Variants in LRRC66 observed in about 807,000 individuals in gnomAD.
LRRC66 encodes the protein leucine-rich repeat-containing protein 66.
LRRC66 carries 29 observed loss-of-function variants against 24.6 expected under a neutral mutation model. The ratio of observed to expected loss-of-function variants is 1.18; its 90% CI spans 0.88 to 1.61. The LOEUF (loss-of-function observed/expected upper bound fraction) is 1.61, where lower values mean the gene tolerates loss of function less well. Among genes scored for constraint, LRRC66 ranks in the 40% most tolerant of loss-of-function variants. The pLI, the probability that LRRC66 is intolerant of heterozygous loss-of-function variation, is 0.00. For missense variants in LRRC66, 1,124 were observed against 1,058.0 expected (o/e 1.06, Z -0.87); for synonymous variants, 411 against 397.6 (o/e 1.03, Z -0.40).
In LRRC66 at chr4:51,997,758, G is replaced by C. The variant is rs554407877; in HGVS notation, c.846C>G (p.Asn282Lys). 37 of 1,613,742 alleles carry C rather than the reference G, an allele frequency of 2.3e-5. No individual in the cohort carries two copies. Among genetic ancestry groups the C allele is most frequent in the Non-Finnish European group, 3.0e-5 (35 of 1,179,842 alleles). ...ACATTACTGACTTACCTATAGACCT[G>C]TTGCAAATGACATTCCACTTTTTCC... ...SWRKKWNVIC[N>K]RSIGSEEANG... The change falls in exon 4 of 5, where the codon AAC (asparagine) becomes AAG (lysine). Residue 282 changes from asparagine to lysine, a missense_variant. By Grantham distance (94) the Asn-to-Lys change is moderately conservative (BLOSUM62 0). Transcript: ENST00000682860.
Position 51,996,879 on chromosome 4 carries a change from C to T in LRRC66, c.857-714G>A, listed in dbSNP as rs193017496. Among the ~76,000 whole-genome samples the T allele has an allele frequency of 1.5e-3, 223 of 152,292 alleles. 1 individual carries two copies. Among genetic ancestry groups the T allele is most frequent in the Admixed American group, 4.5e-3 (69 of 15,290 alleles). ...TCCATAATCTTACCGACTCTGTGTG[C>T]TGTTAAACAGCAAAAATATTCAGTT... On this transcript the variant is annotated intron_variant, in intron 4 of 4. Transcript: ENST00000682860.
rs1407545097 is a variant in LRRC66, at chr4:51,995,617, C to T, written c.1405G>A (p.Val469Ile). 1.2e-6 allele frequency: 2 copies of T among 1,613,926 alleles called. No individual in the cohort carries two copies. The highest frequency in any genetic ancestry group is 1.7e-6 in the Non-Finnish European group (2 of 1,180,020). ...WVTQPHPHAT[V>I]IPDRTLGRSR... is the part of the protein sequence containing the mutation. ...CTTCCCAGAGTTCTATCAGGAATTA[C>T]GGTGGCGTGTGGGTGTGGCTGTGTC... Residue 469 changes from valine to isoleucine, a missense_variant, in exon 5 of 5, where the codon GTA (valine) becomes ATA (isoleucine). Coordinates refer to ENST00000682860, the MANE Select transcript of LRRC66 (RefSeq NM_001024611.3).
At chr4:52,016,360 G>T (rs1008493653) in intron 2 of LRRC66, among the ~76,000 whole-genome samples, 1 of 152,118 alleles carries the variant, frequency 6.6e-6, no homozygotes, top group African/African-American at 2.4e-5. Flanking sequence ...ATATAAAGGA[G>T]GTGCTTAGCA....
chr4:51,994,503 G>GAGCA lies in LRRC66; in HGVS notation c.2515_2518dup (p.Ser840LeufsTer4). On this transcript the variant is annotated frameshift_variant, in exon 5 of 5. Transcript: ENST00000682860. LOFTEE classifies it low-confidence loss of function (END_TRUNC). The stretch of plus-strand genomic sequence containing the variant: ...ATTTGAAAATTCTAAGTCTCTAAGT[G>GAGCA]AGCAATGCCATTCTGCTGCCTTGGA... The GAGCA allele has an allele frequency of 6.2e-7, 1 of 1,614,166 alleles. No individual in the cohort carries two copies. Among genetic ancestry groups the GAGCA allele is most frequent in the South Asian group, 1.1e-5 (1 of 91,082 alleles).
At chr4:52,007,918 G>C (rs1003952491) in intron 2 of LRRC66, among the ~76,000 whole-genome samples, 1 of 152,138 alleles carries the variant, frequency 6.6e-6, no homozygotes, top group Non-Finnish European at 1.5e-5. Flanking sequence ...TAATAGGGAC[G>C]AGCCCTTGAG....
chr4:52,004,461 C>A (rs1272808009), intron 2 of LRRC66, among the ~76,000 whole-genome samples: 1 of 152,142 alleles, frequency 6.6e-6, no homozygotes, highest in Non-Finnish European at 1.5e-5. Flanking sequence ...TTGGTCTCTG[C>A]CTTTGTATTT....
intron 1 of LRRC66, 182 bp from the exon 2 acceptor site, chr4:52,017,800 T>C (rs1736855486): frequency 2.0e-6 from 2 of 985,368 alleles, no homozygotes; most frequent in Non-Finnish European, 2.4e-6. Context: ...GAAATAGCCA[T>C]AGTATAAAAT....
rs143922811 is a variant in LRRC66, at chr4:51,995,971, G to A, written c.1051C>T (p.Arg351Trp). The A allele has an allele frequency of 1.2e-6, 2 of 1,613,936 alleles. No homozygotes were observed. The highest frequency in any genetic ancestry group is 2.7e-5 in the African/African-American group (2 of 75,012). The change falls in exon 5 of 5, where the codon CGG becomes TGG. Residue 351 changes from arginine (R) to tryptophan (W), a missense_variant. By Grantham distance (101) the Arg-to-Trp change is moderately radical (BLOSUM62 -3). Transcript: ENST00000682860. Reference sequence around the variant, plus strand: ...GTGCTTCTAACACTCCTTGGCAGCCGTCTCTGCTTCTTCCTGAGACCAGAG... The same window carrying A: ...GTGCTTCTAACACTCCTTGGCAGCCATCTCTGCTTCTTCCTGAGACCAGAG... The part of the protein sequence containing the change: ...AGSGLRKKQR[R>W]LPRSVRSTRD...
At chr4:52,005,876 T>C (rs1451711892) in intron 2 of LRRC66, among the ~76,000 whole-genome samples, 3 of 152,208 alleles carry the variant, frequency 2.0e-5, no homozygotes, top group Non-Finnish European at 4.4e-5. Flanking sequence ...AGGCCAGTTG[T>C]TAAATATTTT....
At chr4:52,004,051 G>A (rs969451485) in intron 2 of LRRC66, among the ~76,000 whole-genome samples, 1 of 152,068 alleles carries the variant, frequency 6.6e-6, no homozygotes, top group African/African-American at 2.4e-5. Context: ...CACCCAGGCT[G>A]GAGTGCAGTG....
Position 51,995,215 on chromosome 4 carries a change from T to A in LRRC66, c.1807A>T (p.Ser603Cys). ...TGTTCAGTGCCCCCTCTTTCCTTAC[T>A]ATCTCCAGTCCTCTGTGCTTCTGCA... ...THAEAQRTGD[S>C]KERGGTEQSL... Residue 603 changes from serine (S) to cysteine (C), a missense_variant, in exon 5 of 5, where the codon AGT (serine) becomes TGT (cysteine). Physicochemically the swap from Ser to Cys is moderately radical, Grantham distance 112. Transcript: ENST00000682860. The A allele has an allele frequency of 6.2e-7, 1 of 1,614,200 alleles. No homozygotes were observed.
At chr4:52,008,000 A>C (rs1736624295) in intron 2 of LRRC66, among the ~76,000 whole-genome samples, 1 of 152,074 alleles carries the variant, frequency 6.6e-6, no homozygotes, top group Admixed American at 6.5e-5. Context: ...AATTTATAGA[A>C]TCAAAGTTGT....
intron 3 of LRRC66, among the ~76,000 whole-genome samples, chr4:51,998,836 T>C (rs1391917162): frequency 6.6e-6 from 1 of 152,192 alleles, no homozygotes; most frequent in African/African-American, 2.4e-5. Context: ...TTCACATACA[T>C]GATCTCTGAT....
At chr4:52,015,913 G>C (rs1736799400) in intron 2 of LRRC66, among the ~76,000 whole-genome samples, 1 of 151,788 alleles carries the variant, frequency 6.6e-6, no homozygotes. Flanking sequence ...GAAAGAAAAA[G>C]GTACAAATAG....
chr4:52,014,935 A>G (rs759449486), intron 2 of LRRC66, among the ~76,000 whole-genome samples: 1 of 152,004 alleles, frequency 6.6e-6, no homozygotes. Flanking sequence ...CAAGTTGAAC[A>G]TTTTTCTTGA....
intron 2 of LRRC66, among the ~76,000 whole-genome samples, chr4:52,016,490 T>C (rs1447682135): frequency 1.3e-5 from 2 of 152,182 alleles, no homozygotes; most frequent in African/African-American, 4.8e-5. Flanking sequence ...AAAGAAAACA[T>C]TGGTGTATCC....
At chr4:52,008,167 C>A (rs1194191879) in intron 2 of LRRC66, among the ~76,000 whole-genome samples, 3 of 152,110 alleles carry the variant, frequency 2.0e-5, no homozygotes, top group Admixed American at 2.0e-4. Context: ...GGCTTCCCAA[C>A]TCTGGTCTGC....
chr4:51,997,278 C>A (rs1290683702), intron 4 of LRRC66, among the ~76,000 whole-genome samples: 1 of 152,176 alleles, frequency 6.6e-6, no homozygotes, highest in Non-Finnish European at 1.5e-5. Context: ...TGTAGAGGAT[C>A]ACACTTTTAG....
intron 4 of LRRC66, among the ~76,000 whole-genome samples, 174 bp downstream of exon 4, chr4:51,997,574 G>A (rs1736352038): frequency 6.6e-6 from 1 of 152,124 alleles, no homozygotes; most frequent in African/African-American, 2.4e-5. Context: ...ATGAACTGAG[G>A]AAAATAGTTA....
Sources: gnomAD v4.1 joint callset for allele counts (sites outside exome capture counted in the v4.1 genomes callset) on GRCh38, gnomAD v4.1.1 for gene constraint, MANE v1.5 for transcripts, NCBI Gene and HGNC (gene_info 2026-07-23, HGNC 2026-07-21) for gene names.